ATP10B: variants seen among roughly 807,000 people sequenced by gnomAD.
ATP10B encodes the protein ATPase phospholipid transporting 10B (putative).
In ATP10B, 122 loss-of-function variants were observed where a neutral mutation model predicts 141.2. The observed-to-expected ratio is 0.86, with a 90% CI of 0.75 to 1.00. The LOEUF is 1.00. ATP10B is among the 50% of genes least tolerant of loss of function. ATP10B has a pLI of 0.00. For synonymous variants in ATP10B, 685 were observed against 692.0 expected, an observed-to-expected ratio of 0.99 and a Z score of 0.16; for missense variants, 1,876 against 1,825.3, an observed-to-expected ratio of 1.03 and a Z score of -0.51.
the ATP10B span, among the ~76,000 whole-genome samples, chr5:160,910,045 C>A: frequency 6.6e-6 from 1 of 152,152 alleles, no homozygotes; most frequent in South Asian, 2.1e-4. Context: ...TATAGAGACT[C>A]CTCATCAAGC....
chr5:160,655,491 G>A (rs1289949573), intron 7 of ATP10B, among the ~76,000 whole-genome samples: 1 of 152,078 alleles, frequency 6.6e-6, no homozygotes. Context: ...TGTTTTTGCA[G>A]GCACACCATA....
the ATP10B span, among the ~76,000 whole-genome samples, chr5:160,863,877 C>T: frequency 6.6e-6 from 1 of 151,866 alleles, no homozygotes; most frequent in Admixed American, 6.6e-5. Flanking sequence ...AAATATGCAA[C>T]CCTCCTAGAT....
In ATP10B at chr5:160,809,135, G is replaced by A. The variant is rs745980685; in HGVS notation, c.-575-23332C>T. Reference sequence around the variant, plus strand: ...TCTCTAATTCGGGTTAATTTTTACTGTGAAGGCTACATAGTAAAAATTTTA... The same window carrying A: ...TCTCTAATTCGGGTTAATTTTTACTATGAAGGCTACATAGTAAAAATTTTA... On this transcript the variant is annotated intron_variant, in intron 1 of 25. Transcript: ENST00000327245. 2.6e-5 allele frequency among the ~76,000 whole-genome samples: 4 copies of A among 152,274 alleles called. No homozygotes were observed. In the South Asian group the frequency reaches 6.2e-4, roughly 24 times the overall value.
At chr5:160,771,272 T>G (rs1769879631) in intron 2 of ATP10B, among the ~76,000 whole-genome samples, 1 of 152,158 alleles carries the variant, frequency 6.6e-6, no homozygotes, top group African/African-American at 2.4e-5. Flanking sequence ...CATAAAATGG[T>G]TAAGTGGCTT....
At chr5:160,903,366 A>G in the ATP10B span, among the ~76,000 whole-genome samples, 1 of 152,172 alleles carries the variant, frequency 6.6e-6, no homozygotes, top group Non-Finnish European at 1.5e-5. Flanking sequence ...CCAGCTCAGC[A>G]TCCCTAGAGC....
chr5:160,704,935 TG>T (rs869132563), intron 3 of ATP10B, among the ~76,000 whole-genome samples: 5 of 144,190 alleles, frequency 3.5e-5, no homozygotes, highest in Non-Finnish European at 4.5e-5. Context: ...TTTTTTTTTT[TG>T]TTGAGACAGT....
chr5:160,876,988 C>G, the ATP10B span, among the ~76,000 whole-genome samples: 2 of 149,522 alleles, frequency 1.3e-5, no homozygotes, highest in South Asian at 2.2e-4. Flanking sequence ...CCTTCTGAAA[C>G]TATTCCAATC....
intron 2 of ATP10B, among the ~76,000 whole-genome samples, chr5:160,736,356 C>T (rs2127800850): frequency 6.6e-6 from 1 of 152,260 alleles, no homozygotes; most frequent in Non-Finnish European, 1.5e-5. Context: ...ATGGGAAAAT[C>T]TAGAGGAAAT....
At chr5:160,911,701 G>A in the ATP10B span, among the ~76,000 whole-genome samples, 13 of 152,154 alleles carry the variant, frequency 8.5e-5, no homozygotes, top group African/African-American at 2.9e-4. Flanking sequence ...TGATAATAAA[G>A]TTTCTTTTTC....
the ATP10B span, among the ~76,000 whole-genome samples, chr5:160,867,794 T>C: frequency 6.6e-6 from 1 of 152,112 alleles, no homozygotes; most frequent in African/African-American, 2.4e-5. Context: ...TGGGAAGAAA[T>C]CATTGATTGG....
the ATP10B span, among the ~76,000 whole-genome samples, chr5:160,908,718 G>A: frequency 4.6e-5 from 7 of 152,160 alleles, no homozygotes; most frequent in Non-Finnish European, 1.0e-4. Context: ...CTAGCTCCCA[G>A]CATGAGGAGA....
chr5:160,900,254 G>A, the ATP10B span, among the ~76,000 whole-genome samples: 1 of 151,956 alleles, frequency 6.6e-6, no homozygotes, highest in Non-Finnish European at 1.5e-5. Flanking sequence ...TTTTCTTCAT[G>A]CACATTTTCT....
chr5:160,721,648 GC>G (rs1331452149), intron 2 of ATP10B, among the ~76,000 whole-genome samples: 3 of 152,186 alleles, frequency 2.0e-5, no homozygotes, highest in East Asian at 3.8e-4. Context: ...CCACATTCAA[GC>G]TGATGAGTGG....
At chr5:160,715,523 C>T (rs1765573186) in intron 3 of ATP10B, among the ~76,000 whole-genome samples, 1 of 146,286 alleles carries the variant, frequency 6.8e-6, no homozygotes, top group East Asian at 2.0e-4. Context: ...CTGGCACTCC[C>T]TAGTGAGATG....
At chr5:160,716,423 G>C (rs1581405750) in intron 3 of ATP10B, among the ~76,000 whole-genome samples, 2 of 152,270 alleles carry the variant, frequency 1.3e-5, no homozygotes, top group East Asian at 3.9e-4. Context: ...AAAGTAAGAA[G>C]CAGGGAAGTT....
At chr5:160,812,982 A>G (rs1365780442) in intron 1 of ATP10B, among the ~76,000 whole-genome samples, 2 of 152,242 alleles carry the variant, frequency 1.3e-5, no homozygotes, top group African/African-American at 4.8e-5. Context: ...AAAGTCAATA[A>G]TAAAGAAAGA....
intron 24 of ATP10B, among the ~76,000 whole-genome samples, chr5:160,581,926 C>A (rs1228517848): frequency 6.6e-6 from 1 of 152,036 alleles, no homozygotes; most frequent in African/African-American, 2.4e-5. Flanking sequence ...CTTTTTTGAT[C>A]TTTGTTGGTT....
intron 1 of ATP10B, among the ~76,000 whole-genome samples, chr5:160,803,100 A>G (rs973978662): frequency 6.6e-6 from 1 of 152,142 alleles, no homozygotes; most frequent in Admixed American, 6.5e-5. Flanking sequence ...CTCACTTGGC[A>G]TGGTGGGCTT....
intron 6 of ATP10B, among the ~76,000 whole-genome samples, chr5:160,683,251 G>C (rs1763543612): frequency 6.6e-6 from 1 of 152,014 alleles, no homozygotes; most frequent in African/African-American, 2.4e-5. Context: ...ATTGGATCTA[G>C]CTGGAAAAAA....
Sources: allele counts gnomAD v4.1 joint callset (sites outside exome capture counted in the v4.1 genomes callset), GRCh38; gene constraint gnomAD v4.1.1; transcripts MANE v1.5; gene names NCBI Gene and HGNC (gene_info 2026-07-23, HGNC 2026-07-21).